Variants in DYNLT5 observed in about 807,000 individuals in gnomAD.
DYNLT5 encodes dynein light chain Tctex-type family member 5, also known as dynein light chain Tctex-type 5.
A neutral mutation model predicts 19.3 loss-of-function variants in DYNLT5; 25 were observed. The observed-to-expected ratio is 1.30, with a 90% CI of 0.95 to 1.81. The LOEUF (loss-of-function observed/expected upper bound fraction) is 1.81, where lower values mean the gene tolerates loss of function less well. Among genes scored for constraint, DYNLT5 ranks in the 40% most tolerant of loss-of-function variants. The pLI is 0.00. For missense variants in DYNLT5, 232 were observed against 217.9 expected (o/e 1.06, Z -0.41); for synonymous variants, 82 against 68.9 (o/e 1.19, Z -0.94).
intron 2 of DYNLT5, chr1:66,768,734 T>C (rs950767224): frequency 6.6e-6 from 1 of 152,254 alleles, no homozygotes; most frequent in Non-Finnish European, 1.5e-5. Context: ...AAATTGAGTT[T>C]TTATGAATAC....
At chr1:66,774,500 G>T (rs1645223988) in intron 3 of DYNLT5, among the ~76,000 whole-genome samples, 1 of 151,878 alleles carries the variant, frequency 6.6e-6, no homozygotes, top group Non-Finnish European at 1.5e-5. Flanking sequence ...ACGATTTATA[G>T]AACCTCAAGA....
rs772295477 is a variant in DYNLT5 at position 66,754,778 on chromosome 1, G to C, written c.119+1G>C. On this transcript the variant is annotated splice_donor_variant, in intron 2 of 4. Transcript: ENST00000282670. LOFTEE classifies it high-confidence loss of function. ...AGGAAATTCATGGGCGCATCAAAGA[G>C]TGAGTAACTGTCTAAAATTGTAAAT... 1.2e-6 allele frequency: 2 copies of C among 1,607,622 alleles called. No individual in the cohort carries two copies. The highest frequency in any genetic ancestry group is 2.7e-5 in the African/African-American group (2 of 74,598).
At chr1:66,776,251 T>C (rs1645233910) in intron 3 of DYNLT5, 28 bp from the exon 4 acceptor site, 2 of 1,608,390 alleles carry the variant, frequency 1.2e-6, no homozygotes, top group Non-Finnish European at 8.5e-7. Flanking sequence ...AATTACTTTT[T>C]AGAAATAAAT....
chr1:66,776,550 TGTGTGTGTGG>T, intron 4 of DYNLT5, 147 bp downstream of exon 4: 1 of 737,210 alleles, frequency 1.4e-6, no homozygotes, highest in Non-Finnish European at 1.9e-6. Context: ...TACATATATG[TGTGTGTGTGG>T]GTGTGTGTGT....
chr1:66,763,527 C>A (rs1256143921), intron 2 of DYNLT5, among the ~76,000 whole-genome samples: 2 of 152,118 alleles, frequency 1.3e-5, no homozygotes, highest in Admixed American at 1.3e-4. Flanking sequence ...TTATTGTAGC[C>A]CCTTCATCAA....
chr1:66,767,989 A>G (rs965780827), intron 2 of DYNLT5, among the ~76,000 whole-genome samples: 3 of 152,200 alleles, frequency 2.0e-5, no homozygotes, highest in African/African-American at 7.2e-5. Flanking sequence ...TATTCCTACA[A>G]ATGTAGGATT....
chr1:66,777,249 A>G lies in DYNLT5; in HGVS notation c.337-2A>G. 2 of 1,601,768 alleles carry G rather than the reference A, an allele frequency of 1.2e-6. No homozygotes were observed. The highest frequency in any genetic ancestry group is 2.2e-5 in the East Asian group (1 of 44,672). On this transcript the variant is annotated splice_acceptor_variant, in intron 4 of 4. Transcript: ENST00000282670. LOFTEE classifies it high-confidence loss of function. ...AGACCCTCCCTTTTTTTAAATTTCTAGGTTATTAAAGCCCAGGTCAAGGAC... is the reference window on the plus strand; with the variant it reads ...AGACCCTCCCTTTTTTTAAATTTCTGGGTTATTAAAGCCCAGGTCAAGGAC...
chr1:66,764,021 C>T (rs1572546767), intron 2 of DYNLT5, among the ~76,000 whole-genome samples: 2 of 151,930 alleles, frequency 1.3e-5, no homozygotes, highest in East Asian at 3.9e-4. Context: ...CCTGTCTGTA[C>T]AAAAAATTAA....
intron 3 of DYNLT5, among the ~76,000 whole-genome samples, chr1:66,772,020 C>T (rs1645207001): frequency 6.6e-6 from 1 of 152,064 alleles, no homozygotes; most frequent in African/African-American, 2.4e-5. Flanking sequence ...CTTGACAATT[C>T]CCTTTTTATA....
intron 2 of DYNLT5, among the ~76,000 whole-genome samples, chr1:66,757,764 T>C (rs2094638874): frequency 6.6e-6 from 1 of 152,158 alleles, no homozygotes; most frequent in African/African-American, 2.4e-5. Flanking sequence ...TTTTGCTAAA[T>C]ACGATTTTTA....
In DYNLT5 at chr1:66,777,171, C is replaced by T. The variant is rs1572553917; in HGVS notation, c.337-80C>T. On this transcript the variant is annotated intron_variant, in intron 4 of 4. Coordinates refer to ENST00000282670, the MANE Select transcript of DYNLT5 (RefSeq NM_152665.3). ...ATGCATCATGCTATTAAATTAAATC[C>T]CTTATATTTATAACAAAGGTTAATG... 6 of 1,203,100 alleles carry T rather than the reference C, an allele frequency of 5.0e-6. No homozygotes were observed. The East Asian group carries it at 1.2e-4, about 24-fold the overall frequency. 74.5% of individuals were successfully genotyped at this position (1,203,100 alleles called of 1,614,324 possible). A position where few individuals can be genotyped will look rare whatever the true frequency, so the allele number is the denominator to read the frequency against.
chr1:66,775,121 G>A (rs1645226881), intron 3 of DYNLT5: 1 of 152,206 alleles, frequency 6.6e-6, no homozygotes, highest in East Asian at 1.9e-4. Context: ...TGGGATGCAG[G>A]AGGAAGAAGA....
chr1:66,778,708 G>T lies in DYNLT5; in HGVS notation c.*1254G>T, dbSNP rs1000894345. 1.3e-5 allele frequency: 2 copies of T among 152,482 alleles called. No individual in the cohort carries two copies. The highest frequency in any genetic ancestry group is 4.8e-5 in the African/African-American group (2 of 41,454). The allele number at this position is 152,482 out of a possible 1,614,324, so 9.4% of individuals were successfully genotyped here. A position where few individuals can be genotyped will look rare whatever the true frequency, so the allele number is the denominator to read the frequency against. Reference sequence around the variant, plus strand: ...TGGTGTCTTACTTTTCCCTAAAAATGACATGTAGTAAAAAATGGATACTTT... The same window carrying T: ...TGGTGTCTTACTTTTCCCTAAAAATTACATGTAGTAAAAAATGGATACTTT... On this transcript the variant is annotated 3_prime_UTR_variant, in exon 5 of 5. Coordinates refer to ENST00000282670, the MANE Select transcript of DYNLT5 (RefSeq NM_152665.3).
At position 66,765,733 on chromosome 1, in the gene DYNLT5, T is replaced by C. The variant is rs370509413; in HGVS notation, c.120-4654T>C. Among the ~76,000 whole-genome samples, 6 of 152,026 alleles carry C rather than the reference T, an allele frequency of 3.9e-5. No homozygotes were observed. In the East Asian group the frequency reaches 7.7e-4, roughly 20 times the overall value. On this transcript the variant is annotated intron_variant, in intron 2 of 4. Coordinates refer to ENST00000282670, the MANE Select transcript of DYNLT5 (RefSeq NM_152665.3). ...TAACTGCAACCTCCGCCTCCCAGGT[T>C]CAAGCAATTCTCCGGCCTCAGCCTC...
chr1:66,770,311 T>A, intron 2 of DYNLT5, 76 bp from the exon 3 acceptor site: 1 of 979,126 alleles, frequency 1.0e-6, no homozygotes, highest in Non-Finnish European at 1.6e-6. Flanking sequence ...TTGTAACATT[T>A]TAGCTTAAAG....
intron 2 of DYNLT5, among the ~76,000 whole-genome samples, chr1:66,761,399 G>A (rs1175631918): frequency 6.6e-6 from 1 of 152,192 alleles, no homozygotes; most frequent in Non-Finnish European, 1.5e-5. Context: ...TCATCTTTTT[G>A]CTAGTGGAGG....
chr1:66,760,653 T>C (rs189026094), intron 2 of DYNLT5, among the ~76,000 whole-genome samples: 110 of 152,318 alleles, frequency 7.2e-4, no homozygotes, highest in African/African-American at 2.6e-3. Flanking sequence ...TCTGTTGTAA[T>C]AGGCCACACT....
rs1557875707 is a variant in DYNLT5, at chr1:66,777,252, T to G, written c.338T>G (p.Val113Gly). The change falls in exon 5 of 5, where the codon GTT becomes GGT. Residue 113 changes from valine (V) to glycine (G), a missense_variant and splice_region_variant. By Grantham distance (109) the Val-to-Gly change is moderately radical (BLOSUM62 -3). Coordinates refer to ENST00000282670, the MANE Select transcript of DYNLT5 (RefSeq NM_152665.3). ...CRQMTKTISE[V>G]IKAQVKDLMI... ...CCCTCCCTTTTTTTAAATTTCTAGG[T>G]TATTAAAGCCCAGGTCAAGGACTTG... 1.0e-5 allele frequency: 16 copies of G among 1,605,846 alleles called. No individual in the cohort carries two copies. The highest frequency in any genetic ancestry group is 1.4e-5 in the Non-Finnish European group (16 of 1,173,980).
intron 2 of DYNLT5, among the ~76,000 whole-genome samples, chr1:66,756,790 A>G (rs977000131): frequency 3.3e-5 from 5 of 152,104 alleles, no homozygotes; most frequent in Non-Finnish European, 7.3e-5. Context: ...CTTCCCCACC[A>G]TCTTGCGGGC....
Sources: gnomAD v4.1 joint callset for allele counts (sites outside exome capture counted in the v4.1 genomes callset) on GRCh38, gnomAD v4.1.1 for gene constraint, MANE v1.5 for transcripts, NCBI Gene and HGNC (gene_info 2026-07-23, HGNC 2026-07-21) for gene names.